CCDC141: variants seen among roughly 807,000 people sequenced by gnomAD.
The protein encoded by CCDC141 is coiled-coil domain-containing protein 141.
A neutral mutation model predicts 181.0 loss-of-function variants in CCDC141; 168 were observed. The observed-to-expected ratio is 0.93, with a 90% CI of 0.82 to 1.05. The LOEUF (loss-of-function observed/expected upper bound fraction) is 1.05, where lower values mean the gene tolerates loss of function less well. Ranked by LOEUF, CCDC141 falls within the 50% of genes least tolerant of loss-of-function variation. The pLI is 0.00. For missense variants in CCDC141, 1,902 were observed against 1,788.5 expected, an observed-to-expected ratio of 1.06 and a Z score of -1.14; for synonymous variants, 666 against 642.3, an observed-to-expected ratio of 1.04 and a Z score of -0.56.
At chr2:178,867,911 G>T in intron 16 of CCDC141, 115 bp downstream of exon 16, 1 of 802,520 alleles carries the variant, frequency 1.2e-6, no homozygotes, top group African/African-American at 1.7e-5. Flanking sequence ...TACCCCAATG[G>T]TTTAGTTTAT....
At chr2:178,836,780 T>G (rs1684491824) in intron 23 of CCDC141, 114 bp downstream of exon 23, 2 of 1,131,050 alleles carry the variant, frequency 1.8e-6, no homozygotes, top group Non-Finnish European at 2.5e-6. Flanking sequence ...AGAGTTGCAG[T>G]GTCATAGAAT....
chr2:178,999,062 C>A (rs1270101267), intron 2 of CCDC141, among the ~76,000 whole-genome samples: 1 of 152,156 alleles, frequency 6.6e-6, no homozygotes, highest in African/African-American at 2.4e-5. Flanking sequence ...TCAACACCCT[C>A]TTTCCAAGTG....
At chr2:178,929,809 G>A (rs533815937) in intron 6 of CCDC141, among the ~76,000 whole-genome samples, 10 of 151,992 alleles carry the variant, frequency 6.6e-5, no homozygotes, top group East Asian at 5.8e-4. Context: ...AGGGAGCCCC[G>A]AGACCAGCAG....
intron 5 of CCDC141, among the ~76,000 whole-genome samples, chr2:178,945,332 G>A (rs1209568468): frequency 1.3e-5 from 2 of 152,112 alleles, no homozygotes; most frequent in African/African-American, 4.8e-5. Flanking sequence ...ATCCTGTATA[G>A]CATTGTCCTT....
chr2:178,952,985 T>C (rs1234857243), intron 5 of CCDC141, among the ~76,000 whole-genome samples: 1 of 152,206 alleles, frequency 6.6e-6, no homozygotes, highest in Admixed American at 6.5e-5. Flanking sequence ...ACTTCTTAAC[T>C]TAAACAAGAA....
intron 2 of CCDC141, among the ~76,000 whole-genome samples, chr2:179,015,146 A>AATATATCTCATATACATCTCAT (rs1372098831): frequency 2.8e-5 from 3 of 106,802 alleles, no homozygotes; most frequent in African/African-American, 1.1e-4. Context: ...CATATATATC[A>AATATATCTCATATACATCTCAT]ATATATCTCA....
intron 17 of CCDC141, among the ~76,000 whole-genome samples, chr2:178,858,255 T>C (rs1040438988): frequency 7.9e-5 from 12 of 152,190 alleles, no homozygotes; most frequent in Non-Finnish European, 1.5e-4. Context: ...ATTCAGTTGA[T>C]ATATTTGTGA....
intron 2 of CCDC141, among the ~76,000 whole-genome samples, chr2:179,036,832 A>T (rs1284491741): frequency 6.6e-6 from 1 of 152,174 alleles, no homozygotes; most frequent in Non-Finnish European, 1.5e-5. Context: ...ACAGATCAAT[A>T]CGTGTTTGAA....
chr2:178,878,473 G>A (rs1169320459), intron 11 of CCDC141, among the ~76,000 whole-genome samples: 1 of 123,334 alleles, frequency 8.1e-6, no homozygotes, highest in African/African-American at 3.4e-5. Flanking sequence ...CACCAGGCCT[G>A]GCTAATTTTT....
In CCDC141 at chr2:178,868,190, T is replaced by C; in HGVS notation, c.2410A>G (p.Lys804Glu). Residue 804 changes from lysine to glutamate, a missense_variant, in exon 16 of 24, where the codon AAA becomes GAA. Lys to Glu is a moderately conservative substitution (Grantham distance 56). Coordinates refer to ENST00000443758, the MANE Select transcript of CCDC141 (RefSeq NM_173648.4). Reference protein sequence around the residue: ...QVKEELGRLIKSRELEFVEQP... With the variant: ...QVKEELGRLIESRELEFVEQP... ...TCTACAAACTCCAGCTCTCTTGATT[T>C]GATGAGACGTCCCAGCTACAATTTA... 1 of 1,609,088 alleles carries C rather than the reference T, an allele frequency of 6.2e-7. No homozygotes were observed. The highest frequency in any genetic ancestry group is 8.5e-7 in the Non-Finnish European group (1 of 1,175,794).
chr2:178,966,748 G>C (rs1161642324), intron 4 of CCDC141, among the ~76,000 whole-genome samples: 1 of 152,120 alleles, frequency 6.6e-6, no homozygotes, highest in Non-Finnish European at 1.5e-5. Context: ...GACGGAGAAT[G>C]AGTTTGACGA....
chr2:179,018,958 A>T (rs1210075571), intron 2 of CCDC141, among the ~76,000 whole-genome samples: 5 of 152,220 alleles, frequency 3.3e-5, no homozygotes, highest in Non-Finnish European at 7.3e-5. Flanking sequence ...AAAAGCAAAT[A>T]TTAAAAAACA....
chr2:178,930,219 A>G (rs1169030269), intron 6 of CCDC141, among the ~76,000 whole-genome samples: 1 of 152,118 alleles, frequency 6.6e-6, no homozygotes, highest in African/African-American at 2.4e-5. Context: ...TGGTAGCATC[A>G]AAAAAAGTAA....
intron 5 of CCDC141, among the ~76,000 whole-genome samples, chr2:178,955,741 T>C (rs1392037558): frequency 6.6e-6 from 1 of 152,210 alleles, no homozygotes; most frequent in Admixed American, 6.5e-5. Flanking sequence ...AGCAATCTGC[T>C]TGGAGGGTGA....
chr2:179,039,485 A>G (rs2043235508), intron 2 of CCDC141, among the ~76,000 whole-genome samples: 1 of 152,072 alleles, frequency 6.6e-6, no homozygotes, highest in African/African-American at 2.4e-5. Flanking sequence ...TTTCTTACCC[A>G]AATTTTCTTT....
chr2:178,981,748 GAGAA>G (rs1397953711), intron 2 of CCDC141, among the ~76,000 whole-genome samples: 2 of 147,364 alleles, frequency 1.4e-5, no homozygotes, highest in East Asian at 2.0e-4. Flanking sequence ...ATAGGAACTA[GAGAA>G]AGAGAGTAAA....
At chr2:178,917,143 A>G (rs1437295760) in intron 7 of CCDC141, among the ~76,000 whole-genome samples, 1 of 152,200 alleles carries the variant, frequency 6.6e-6, no homozygotes, top group Non-Finnish European at 1.5e-5. Context: ...TATGTTTGAT[A>G]ATGGTTTTCC....
chr2:178,933,538 C>G (rs4894069), intron 6 of CCDC141, among the ~76,000 whole-genome samples: 103,273 of 151,970 alleles, frequency 0.68, 35,497 homozygotes, highest in East Asian at 0.93. Flanking sequence ...TCCTTTAAGC[C>G]TTAAAGATGG....
intron 17 of CCDC141, among the ~76,000 whole-genome samples, chr2:178,861,738 T>A (rs1685630945): frequency 6.6e-6 from 1 of 151,976 alleles, no homozygotes. Flanking sequence ...TACCTTGGCA[T>A]CCCAAAGTGC....
Sources: allele counts gnomAD v4.1 joint callset (sites outside exome capture counted in the v4.1 genomes callset), GRCh38; gene constraint gnomAD v4.1.1; transcripts MANE v1.5; gene names NCBI Gene and HGNC (gene_info 2026-07-23, HGNC 2026-07-21).